NRG3: variants seen among roughly 807,000 people sequenced by gnomAD.
The protein encoded by NRG3 is neuregulin 3.
NRG3 carries 31 observed loss-of-function variants against 66.9 expected under a neutral mutation model. That is an observed-to-expected ratio of 0.46 (90% CI 0.35 to 0.63). NRG3 has a LOEUF of 0.63. NRG3 is among the 20% of genes least tolerant of loss of function. The pLI, the probability that NRG3 is intolerant of heterozygous loss-of-function variation, is 0.00. For missense variants in NRG3, 910 were observed against 878.9 expected, an observed-to-expected ratio of 1.04 and a Z score of -0.45; for synonymous variants, 393 against 359.4, an observed-to-expected ratio of 1.09 and a Z score of -1.06.
intron 7 of NRG3, 114 bp downstream of exon 7, chr10:82,974,029 C>T (rs1396137730): frequency 8.6e-7 from 1 of 1,167,556 alleles, no homozygotes; most frequent in Non-Finnish European, 1.2e-6. Flanking sequence ...CTTGCTTCTC[C>T]TGTAGTTCTC....
chr10:82,348,006 C>T (rs1489991289), intron 1 of NRG3, among the ~76,000 whole-genome samples: 3 of 151,944 alleles, frequency 2.0e-5, no homozygotes, highest in Non-Finnish European at 1.5e-5. Context: ...ACTGATGGGT[C>T]TTGACTCTTT....
At chr10:82,334,706 T>G (rs2082301652) in intron 1 of NRG3, among the ~76,000 whole-genome samples, 1 of 152,228 alleles carries the variant, frequency 6.6e-6, no homozygotes, top group Non-Finnish European at 1.5e-5. Context: ...GGTGAGTGTG[T>G]GCTGCAAAAC....
At chr10:82,186,777 A>C (rs932952800) in intron 1 of NRG3, among the ~76,000 whole-genome samples, 2 of 152,222 alleles carry the variant, frequency 1.3e-5, no homozygotes, top group African/African-American at 4.8e-5. Context: ...ATCTGTATAC[A>C]TTATAGACTT....
chr10:81,879,530 A>G (rs1432238267), intron 1 of NRG3, among the ~76,000 whole-genome samples: 1 of 152,214 alleles, frequency 6.6e-6, no homozygotes, highest in African/African-American at 2.4e-5. Context: ...CATTGGCTAA[A>G]TTCAAATACT....
chr10:82,880,191 G>A (rs1842184709), intron 4 of NRG3, among the ~76,000 whole-genome samples: 1 of 152,054 alleles, frequency 6.6e-6, no homozygotes, highest in Non-Finnish European at 1.5e-5. Context: ...TCTTAAATAT[G>A]TGATGTATGA....
At chr10:82,946,001 T>C (rs908663221) in intron 4 of NRG3, among the ~76,000 whole-genome samples, 3 of 152,192 alleles carry the variant, frequency 2.0e-5, no homozygotes, top group Middle Eastern at 3.4e-3. Context: ...TGAACAATTC[T>C]GTAAAGACAG....
At chr10:82,162,479 A>G (rs1050640367) in intron 1 of NRG3, among the ~76,000 whole-genome samples, 2 of 152,146 alleles carry the variant, frequency 1.3e-5, no homozygotes, top group Non-Finnish European at 2.9e-5. Flanking sequence ...TGCAAAAGTC[A>G]GCCACTGACT....
chr10:82,637,951 C>T (rs576007364), intron 2 of NRG3, among the ~76,000 whole-genome samples: 3 of 152,120 alleles, frequency 2.0e-5, no homozygotes, highest in Non-Finnish European at 4.4e-5. Context: ...GTGAGAAATA[C>T]ACACTAGAGT....
intron 1 of NRG3, among the ~76,000 whole-genome samples, chr10:82,189,417 G>C (rs1202522613): frequency 6.6e-6 from 1 of 152,092 alleles, no homozygotes; most frequent in Non-Finnish European, 1.5e-5. Context: ...AGCACTTTGG[G>C]AGGCCAAGGC....
intron 2 of NRG3, among the ~76,000 whole-genome samples, chr10:82,383,796 T>C (rs540273463): frequency 1.3e-5 from 2 of 152,068 alleles, no homozygotes; most frequent in East Asian, 3.9e-4. Context: ...GGAAGAATTT[T>C]CACAATGGTT....
At chr10:82,431,528 T>C (rs2089804464) in intron 2 of NRG3, among the ~76,000 whole-genome samples, 1 of 152,216 alleles carries the variant, frequency 6.6e-6, no homozygotes, top group Non-Finnish European at 1.5e-5. Context: ...AAAGTAGATT[T>C]TGACAATTAT....
At chr10:81,971,563 G>A (rs1589643792) in intron 1 of NRG3, among the ~76,000 whole-genome samples, 1 of 152,162 alleles carries the variant, frequency 6.6e-6, no homozygotes, top group East Asian at 1.9e-4. Context: ...GTAATAAATG[G>A]ACAGAATATA....
At chr10:82,469,712 A>G (rs975812373) in intron 2 of NRG3, among the ~76,000 whole-genome samples, 2 of 152,168 alleles carry the variant, frequency 1.3e-5, no homozygotes, top group Admixed American at 6.5e-5. Flanking sequence ...TTCTGAGTAC[A>G]TAGGAAGCCT....
At chr10:82,797,735 T>TGA (rs2060859395) in intron 3 of NRG3, among the ~76,000 whole-genome samples, 1 of 152,194 alleles carries the variant, frequency 6.6e-6, no homozygotes, top group South Asian at 2.1e-4. Flanking sequence ...TTGTCTCATC[T>TGA]GCTAGTGATG....
intron 2 of NRG3, among the ~76,000 whole-genome samples, chr10:82,448,596 C>G (rs1449953937): frequency 6.6e-6 from 1 of 152,110 alleles, no homozygotes; most frequent in South Asian, 2.1e-4. Flanking sequence ...ATCTAAATCT[C>G]AATTCTCTCC....
chr10:82,487,113 C>CTATTATATAGATATATA (rs1842750529), intron 2 of NRG3, among the ~76,000 whole-genome samples: 1 of 147,672 alleles, frequency 6.8e-6, no homozygotes, highest in South Asian at 2.1e-4. Context: ...ATAGATATAT[C>CTATTATATAGATATATA]TATTATATAG....
chr10:82,744,999 A>G (rs2058585105), intron 3 of NRG3, among the ~76,000 whole-genome samples: 1 of 152,210 alleles, frequency 6.6e-6, no homozygotes, highest in African/African-American at 2.4e-5. Flanking sequence ...CATGCAGCCT[A>G]TTACCTGGCC....
In NRG3 at chr10:82,372,877, C is replaced by T. The variant is rs559468730; in HGVS notation, c.953+14009C>T. ...CCTAAGTGCTGGGATTACGGGCATGCGCCACCACACCTGGCCTGTATTAGC... is the reference window on the plus strand; with the variant it reads ...CCTAAGTGCTGGGATTACGGGCATGTGCCACCACACCTGGCCTGTATTAGC... On this transcript the variant is annotated intron_variant, in intron 2 of 8. Transcript: ENST00000372141. Among the ~76,000 whole-genome samples, 16 of 152,274 alleles carry T rather than the reference C, an allele frequency of 1.1e-4. No individual in the cohort carries two copies. The East Asian group carries it at 2.3e-3, about 22-fold the overall frequency.
intron 2 of NRG3, among the ~76,000 whole-genome samples, chr10:82,500,856 A>G (rs1003108165): frequency 5.3e-5 from 8 of 152,294 alleles, no homozygotes; most frequent in African/African-American, 1.9e-4. Context: ...TCGGGTATCA[A>G]CAATAAGCCT....
Sources: gnomAD v4.1 joint callset for allele counts (sites outside exome capture counted in the v4.1 genomes callset) on GRCh38, gnomAD v4.1.1 for gene constraint, MANE v1.5 for transcripts, NCBI Gene and HGNC (gene_info 2026-07-23, HGNC 2026-07-21) for gene names.